C5: variants seen among roughly 807,000 people sequenced by gnomAD.
C5 encodes the protein complement C5.
In C5, 140 loss-of-function variants were observed where a neutral mutation model predicts 218.8. That is an observed-to-expected ratio of 0.64 (90% CI 0.56 to 0.74). The LOEUF (loss-of-function observed/expected upper bound fraction) is 0.74. Among genes scored for constraint, C5 ranks in the 30% least tolerant of loss-of-function variants. The pLI is 0.00. For missense variants in C5, 1,700 were observed against 1,969.6 expected (o/e 0.86, Z 2.59); for synonymous variants, 614 against 682.3 (o/e 0.90, Z 1.56).
the C5 span, among the ~76,000 whole-genome samples, chr9:121,067,434 C>T: frequency 9.0e-4 from 137 of 151,790 alleles, no homozygotes; most frequent in Middle Eastern, 3.4e-3. Flanking sequence ...CGTGGTGGTG[C>T]GTGCCCATAG....
At chr9:121,033,709 T>A (rs2047497986) in intron 5 of C5, among the ~76,000 whole-genome samples, 1 of 152,222 alleles carries the variant, frequency 6.6e-6, no homozygotes, top group Non-Finnish European at 1.5e-5. Context: ...ACCTCCAAAT[T>A]CAATTTAAAT....
rs1177844007 is a variant in C5 at position 120,988,505 on chromosome 9, T to C, written c.3230+541A>G. ...GACTGAGAAAACAGTGCAAAGGCCC[T>C]GAGGTGGAAGCATGCCTGGTGTGTT... On this transcript the variant is annotated intron_variant, in intron 25 of 40. Coordinates refer to ENST00000223642, the MANE Select transcript of C5 (RefSeq NM_001735.3). Among the ~76,000 whole-genome samples, 5 of 152,092 alleles carry C rather than the reference T, an allele frequency of 3.3e-5. No individual in the cohort carries two copies. The East Asian group carries it at 9.6e-4, about 29-fold the overall frequency.
rs145096920 is a variant in C5, at chr9:121,000,401, T to C, written c.2563-2627A>G. 6.0e-3 allele frequency among the ~76,000 whole-genome samples: 918 copies of C among 152,302 alleles called. 11 individuals carry two copies. Among genetic ancestry groups the C allele is most frequent in the African/African-American group, 0.02 (846 of 41,560 alleles). On this transcript the variant is annotated intron_variant, in intron 20 of 40. Coordinates refer to ENST00000223642, the MANE Select transcript of C5 (RefSeq NM_001735.3). ...CCAGAGAGTACTTGCCTAATAGTTA[T>C]ACAATATAACCACAAATCTATGGTA...
At chr9:120,971,210 A>G (rs2046910397) in intron 31 of C5, among the ~76,000 whole-genome samples, 1 of 151,338 alleles carries the variant, frequency 6.6e-6, no homozygotes, top group Non-Finnish European at 1.5e-5. Flanking sequence ...GCAACTGCCA[A>G]GTGGCTAAAA....
In C5 at chr9:120,957,350, G is replaced by A. The variant is rs2131663042; in HGVS notation, c.4697C>T (p.Thr1566Ile). ...EIAYAYKVSI[T>I]SITVENVFVK... is the part of the protein sequence containing the mutation. ...AAAAACATTTTCTACAGTGATGGAT[G>A]TGATGCTAACTTTATAAGCTGGCAA... Residue 1566 changes from threonine (T) to isoleucine (I), a missense_variant, in exon 39 of 41, where the codon ACA becomes ATA. Physicochemically the swap from Thr to Ile is moderately conservative, Grantham distance 89 (BLOSUM62 -1). Coordinates refer to ENST00000223642, the MANE Select transcript of C5 (RefSeq NM_001735.3). The A allele has an allele frequency of 1.2e-6, 2 of 1,612,610 alleles. No individual in the cohort carries two copies. Among genetic ancestry groups the A allele is most frequent in the Admixed American group, 3.3e-5 (2 of 60,020 alleles).
intron 40 of C5, 52 bp from the exon 41 acceptor site, chr9:120,952,920 T>A (rs1226506106): frequency 6.2e-7 from 1 of 1,601,018 alleles, no homozygotes; most frequent in African/African-American, 1.3e-5. Flanking sequence ...AAAAGCTGAA[T>A]TTGATTTCTT....
chr9:120,980,026 A>G, intron 28 of C5, 57 bp downstream of exon 28: 1 of 1,522,128 alleles, frequency 6.6e-7, no homozygotes, highest in Non-Finnish European at 9.1e-7. Context: ...TTCCCAGACT[A>G]GCAGACTTTA....
intron 38 of C5, among the ~76,000 whole-genome samples, chr9:120,958,950 C>T (rs186571916): frequency 1.5e-4 from 23 of 152,212 alleles, no homozygotes; most frequent in African/African-American, 4.8e-4. Context: ...CAACGCACAG[C>T]TAATTTTTGT....
At chr9:120,961,789 C>T (rs900593577) in intron 36 of C5, among the ~76,000 whole-genome samples, 7 of 152,172 alleles carry the variant, frequency 4.6e-5, no homozygotes, top group African/African-American at 1.7e-4. Flanking sequence ...GCTTGAAACA[C>T]TCGTTTCTCA....
At chr9:120,956,973 G>A (rs545497399) in intron 39 of C5, 11 of 348,462 alleles carry the variant, frequency 3.2e-5, no homozygotes, top group South Asian at 2.6e-4. Flanking sequence ...CCCAAAACAT[G>A]CAATTTACCC....
At chr9:121,033,639 A>G (rs906320475) in intron 5 of C5, among the ~76,000 whole-genome samples, 2 of 152,278 alleles carry the variant, frequency 1.3e-5, no homozygotes, top group Non-Finnish European at 2.9e-5. Flanking sequence ...ATTCTGCACT[A>G]TGGAACATGT....
intron 20 of C5, among the ~76,000 whole-genome samples, chr9:120,998,950 A>T (rs533336324): frequency 1.3e-5 from 2 of 152,184 alleles, no homozygotes; most frequent in Admixed American, 1.3e-4. Flanking sequence ...TTCCTTCTTA[A>T]CTATCTTCTT....
In C5 at chr9:120,980,220, A is replaced by G. The variant is rs1425948117; in HGVS notation, c.3521T>C (p.Phe1174Ser). 1 of 1,614,180 alleles carries G rather than the reference A, an allele frequency of 6.2e-7. No homozygotes were observed. Among genetic ancestry groups the G allele is most frequent in the South Asian group, 1.1e-5 (1 of 91,070 alleles). The change falls in exon 28 of 41, where the codon TTT (phenylalanine) becomes TCT (serine). Residue 1174 changes from phenylalanine (F) to serine (S), a missense_variant. Physicochemically the swap from Phe to Ser is radical, Grantham distance 155 (BLOSUM62 -2). Transcript: ENST00000223642. ...GGCTGGCAGTGTATTTTCAAGCAGAAAGTTGTCAGCTTTAATTAGAGCTGT... is the reference window on the plus strand; with the variant it reads ...GGCTGGCAGTGTATTTTCAAGCAGAGAGTTGTCAGCTTTAATTAGAGCTGT... ...IDTALIKADN[F>S]LLENTLPAQS...
At chr9:120,984,870 T>A (rs1429517368) in intron 25 of C5, among the ~76,000 whole-genome samples, 1 of 151,846 alleles carries the variant, frequency 6.6e-6, no homozygotes. Flanking sequence ...TACAGGCACG[T>A]GCCACCATGC....
At chr9:120,969,558 G>C (rs903576060) in intron 32 of C5, among the ~76,000 whole-genome samples, 5 of 152,170 alleles carry the variant, frequency 3.3e-5, no homozygotes, top group African/African-American at 1.2e-4. Flanking sequence ...AGGAGGACTG[G>C]AGTGTGCAAG....
chr9:121,055,938 T>C, the C5 span, among the ~76,000 whole-genome samples: 1 of 151,798 alleles, frequency 6.6e-6, no homozygotes, highest in South Asian at 2.1e-4. Context: ...GAAAGAGACT[T>C]TGCCTGGTAA....
intron 19 of C5, among the ~76,000 whole-genome samples, 195 bp downstream of exon 19, chr9:121,006,709 G>C (rs995712276): frequency 1.3e-5 from 2 of 152,048 alleles, no homozygotes; most frequent in Non-Finnish European, 2.9e-5. Context: ...AAAAAAAAGA[G>C]AGGAGTGAAA....
In C5 at chr9:121,002,316, G is replaced by GTGTGTGTATATATATA. The variant is rs572345213; in HGVS notation, c.2562+3602_2562+3603insTATATATATACACACA. Among the ~76,000 whole-genome samples, 522 of 87,342 alleles carry GTGTGTGTATATATATA rather than the reference G, an allele frequency of 6.0e-3. 14 individuals are homozygous for GTGTGTGTATATATATA. Among genetic ancestry groups the GTGTGTGTATATATATA allele is most frequent in the Non-Finnish European group, 8.7e-3 (393 of 45,282 alleles). 57.3% of individuals were successfully genotyped at this position (87,342 alleles called of 152,430 possible). A position where few individuals can be genotyped will look rare whatever the true frequency, so the allele number is the denominator to read the frequency against. On this transcript the variant is annotated intron_variant, in intron 20 of 40. Transcript: ENST00000223642. Reference sequence around the variant, plus strand: ...TATATATGTATATATATATGTGTGTGTATATATATATATATATATATATAT... The same window carrying GTGTGTGTATATATATA: ...TATATATGTATATATATATGTGTGTGTGTGTGTATATATATATATATATATATATATATATATATAT...
intron 40 of C5, among the ~76,000 whole-genome samples, 164 bp downstream of exon 40, chr9:120,953,566 G>A (rs972703207): frequency 6.6e-6 from 1 of 152,146 alleles, no homozygotes; most frequent in African/African-American, 2.4e-5. Flanking sequence ...GTCCTCAGCT[G>A]CCACGATGGT....
Sources: allele counts gnomAD v4.1 joint callset (sites outside exome capture counted in the v4.1 genomes callset), GRCh38; gene constraint gnomAD v4.1.1; transcripts MANE v1.5; gene names NCBI Gene and HGNC (gene_info 2026-07-23, HGNC 2026-07-21).